SEMA4D: variants seen among roughly 807,000 people sequenced by gnomAD.
SEMA4D encodes the protein semaphorin 4D, also known as semaphorin-4D.
SEMA4D carries 22 observed loss-of-function variants against 74.8 expected under a neutral mutation model. That is an observed-to-expected ratio of 0.29 (90% CI 0.21 to 0.42). SEMA4D has a LOEUF of 0.42. Ranked by LOEUF, SEMA4D falls within the 10% of genes least tolerant of loss-of-function variation. The pLI, the probability that SEMA4D is intolerant of heterozygous loss-of-function variation, is 1.00. For synonymous variants in SEMA4D, 445 were observed against 463.7 expected (o/e 0.96, Z 0.52); for missense variants, 937 against 1,118.4 (o/e 0.84, Z 2.31).
At chr9:89,481,232 G>A (rs1171689079) in intron 1 of SEMA4D, among the ~76,000 whole-genome samples, 3 of 152,182 alleles carry the variant, frequency 2.0e-5, no homozygotes, top group South Asian at 2.1e-4. Flanking sequence ...AGCAGGTGGC[G>A]GTGGGGTGGG....
At chr9:89,395,515 T>C (rs993155958) in intron 6 of SEMA4D, among the ~76,000 whole-genome samples, 5 of 152,090 alleles carry the variant, frequency 3.3e-5, no homozygotes, top group East Asian at 1.9e-4. Flanking sequence ...ATCTACAGAA[T>C]GTAAGTTTAA....
chr9:89,402,924 G>A lies in SEMA4D; in HGVS notation c.199C>T (p.Arg67Trp), dbSNP rs748817564. ...GCGTTCACAGCGAAGACCGCCTCCC[G>A]GGCACCTATGTACAAGGTGTCCTTG... ...EDKDTLYIGA[R>W]EAVFAVNALN... Residue 67 changes from arginine to tryptophan, a missense_variant, in exon 4 of 16, where the codon CGG becomes TGG. By Grantham distance (101) the Arg-to-Trp change is moderately radical. Transcript: ENST00000422704. 1.2e-5 allele frequency: 20 copies of A among 1,614,124 alleles called. No homozygotes were observed. Among genetic ancestry groups the A allele is most frequent in the Admixed American group, 3.3e-5 (2 of 60,028 alleles).
intron 11 of SEMA4D, 70 bp from the exon 12 acceptor site, chr9:89,387,678 A>G: frequency 7.2e-7 from 1 of 1,383,490 alleles, no homozygotes; most frequent in Admixed American, 1.8e-5. Context: ...CCACACAAGC[A>G]GCCAACGCAG....
chr9:89,442,188 C>T (rs1012945043), intron 2 of SEMA4D, among the ~76,000 whole-genome samples: 3 of 139,446 alleles, frequency 2.2e-5, no homozygotes, highest in African/African-American at 7.9e-5. Context: ...TTTGCTGCGC[C>T]GTACGGCCCA....
chr9:89,462,310 A>T (rs926309558), intron 1 of SEMA4D, among the ~76,000 whole-genome samples: 4 of 152,198 alleles, frequency 2.6e-5, no homozygotes, highest in Admixed American at 6.5e-5. Flanking sequence ...TGCTATTATA[A>T]TTCACAGTAA....
At chr9:89,489,580 T>C (rs1273050975) in intron 1 of SEMA4D, among the ~76,000 whole-genome samples, 1 of 152,252 alleles carries the variant, frequency 6.6e-6, no homozygotes, top group Non-Finnish European at 1.5e-5. Context: ...GAACATTTCA[T>C]ATCAATGAAA....
chr9:89,479,055 G>A (rs1054572912), intron 1 of SEMA4D, among the ~76,000 whole-genome samples: 48 of 152,190 alleles, frequency 3.2e-4, no homozygotes, highest in Admixed American at 3.0e-3. Flanking sequence ...TGAGTGGAGG[G>A]GACTGAATAC....
At chr9:89,421,920 A>G (rs578085310) in intron 2 of SEMA4D, among the ~76,000 whole-genome samples, 1 of 152,294 alleles carries the variant, frequency 6.6e-6, no homozygotes, top group Non-Finnish European at 1.5e-5. Flanking sequence ...CTGCAAAAGG[A>G]GTGTGCTTCA....
In SEMA4D at chr9:89,492,056, A is replaced by G. The variant is rs1421901328; in HGVS notation, c.-310+5863T>C. Among the ~76,000 whole-genome samples the G allele has an allele frequency of 6.6e-6, 1 of 151,976 alleles. No homozygotes were observed. The highest frequency in any genetic ancestry group is 1.5e-5 in the Non-Finnish European group (1 of 67,988). On this transcript the variant is annotated intron_variant, in intron 1 of 15. Transcript: ENST00000422704. The surrounding 1 kb of genome is among the most constrained non-coding windows in gnomAD (Gnocchi z 4.3). ...GGGCCTCCCTCAGCCCTATCTGCCC[A>G]TGACCCCCCTCCACTTCCCCACTGC...
chr9:89,480,173 T>A (rs1260184448), intron 1 of SEMA4D, among the ~76,000 whole-genome samples: 2 of 151,460 alleles, frequency 1.3e-5, no homozygotes, highest in Non-Finnish European at 2.9e-5. Context: ...GTATTTACAA[T>A]CCCTGAGCTA....
chr9:89,462,952 AGGG>A (rs745895998), intron 1 of SEMA4D, among the ~76,000 whole-genome samples: 1 of 896 alleles, frequency 1.1e-3, no homozygotes, highest in African/African-American at 0.014. Flanking sequence ...GAAAGAAAGG[AGGG>A]GGGAGCGAGC....
intron 2 of SEMA4D, among the ~76,000 whole-genome samples, chr9:89,438,999 T>A (rs12346104): frequency 2.4e-4 from 19 of 79,032 alleles, no homozygotes; most frequent in South Asian, 1.4e-3. Flanking sequence ...TTTTTTTTTT[T>A]AACATGGAGT....
At chr9:89,472,489 T>G (rs1860627855) in intron 1 of SEMA4D, 1 of 268,618 alleles carries the variant, frequency 3.7e-6, no homozygotes. Context: ...TTGTAAGATT[T>G]GTGACAAAAA....
chr9:89,413,796 G>C (rs1186719745), intron 2 of SEMA4D, among the ~76,000 whole-genome samples: 3 of 152,226 alleles, frequency 2.0e-5, no homozygotes, highest in African/African-American at 7.2e-5. Flanking sequence ...ATCTGTGTAT[G>C]CATATACATG....
In SEMA4D at chr9:89,388,238, G is replaced by A. The variant is rs185932002; in HGVS notation, c.1107+398C>T. Among the ~76,000 whole-genome samples, 12 of 152,288 alleles carry A rather than the reference G, an allele frequency of 7.9e-5. No homozygotes were observed. In the South Asian group the frequency reaches 1.2e-3, roughly 16 times the overall value. On this transcript the variant is annotated intron_variant, in intron 11 of 15. Coordinates refer to ENST00000422704, the MANE Select transcript of SEMA4D (RefSeq NM_001371194.2). ...ATTTCCCCATGTGAGGGAAGGAATC[G>A]GCCTGGAAATTCCCAATTTCTACAT... is the stretch of plus-strand genomic sequence containing the variant.
intron 2 of SEMA4D, among the ~76,000 whole-genome samples, chr9:89,422,770 G>C (rs1049990057): frequency 6.6e-6 from 1 of 152,240 alleles, no homozygotes; most frequent in African/African-American, 2.4e-5. Context: ...ATGTTACAGA[G>C]GTCTAGGCAC....
At chr9:89,494,648 C>T (rs1825870892) in intron 1 of SEMA4D, among the ~76,000 whole-genome samples, 1 of 152,074 alleles carries the variant, frequency 6.6e-6, no homozygotes, top group African/African-American at 2.4e-5. Flanking sequence ...TTGGAGATCT[C>T]CGATTATTAT....
At chr9:89,419,854 T>C (rs970513147) in intron 2 of SEMA4D, among the ~76,000 whole-genome samples, 2 of 151,740 alleles carry the variant, frequency 1.3e-5, no homozygotes, top group Admixed American at 1.3e-4. Flanking sequence ...GAGGTGGAGG[T>C]TGGAGTGAGC....
chr9:89,388,673 C>A lies in SEMA4D; in HGVS notation c.1070G>T (p.Arg357Leu). 1.9e-6 allele frequency: 3 copies of A among 1,604,316 alleles called. No individual in the cohort carries two copies. Among genetic ancestry groups the A allele is most frequent in the Non-Finnish European group, 2.5e-6 (3 of 1,178,352 alleles). ...CGGCTTGGGTACCGGGCCATTATAG[C>A]GCACCCACTTGGTGTGGGACTGCTC... ...TVEQSHTKWV[R>L]YNGPVPKPRP... Residue 357 changes from arginine to leucine, a missense_variant, in exon 11 of 16, where the codon CGC becomes CTC. Transcript: ENST00000422704.
Sources: allele counts gnomAD v4.1 joint callset (sites outside exome capture counted in the v4.1 genomes callset), GRCh38; gene constraint gnomAD v4.1.1; non-coding constraint Gnocchi (gnomAD v3.1); transcripts MANE v1.5; gene names NCBI Gene and HGNC (gene_info 2026-07-23, HGNC 2026-07-21).